Variants in ANO3 observed in about 807,000 individuals in gnomAD.
The protein encoded by ANO3 is anoctamin 3.
In ANO3, 99 loss-of-function variants were observed where a neutral mutation model predicts 144.8. The observed-to-expected ratio is 0.68, with a 90% confidence interval of 0.58 to 0.81. The LOEUF is 0.81. Among genes scored for constraint, ANO3 ranks in the 30% least tolerant of loss-of-function variants. ANO3 has a pLI of 0.00. For synonymous variants in ANO3, 414 were observed against 392.6 expected (o/e 1.05, Z -0.64); for missense variants, 905 against 1,202.2 (o/e 0.75, Z 3.66).
chr11:26,255,986 T>G (rs1004942024), intron 1 of ANO3, among the ~76,000 whole-genome samples: 9 of 152,122 alleles, frequency 5.9e-5, no homozygotes, highest in African/African-American at 2.2e-4. Context: ...TTCATTTTAT[T>G]GGATGGTAAA....
intron 1 of ANO3, among the ~76,000 whole-genome samples, chr11:26,293,949 T>A (rs1854026151): frequency 6.6e-6 from 1 of 152,104 alleles, no homozygotes; most frequent in East Asian, 1.9e-4. Flanking sequence ...TTTACCTAAA[T>A]AGTTTTGTCG....
chr11:26,355,551 T>A (rs1205664845), intron 1 of ANO3, among the ~76,000 whole-genome samples: 1 of 150,756 alleles, frequency 6.6e-6, no homozygotes, highest in African/African-American at 2.5e-5. Flanking sequence ...CTGAAATTTC[T>A]TTCTTTCTTT....
At chr11:26,598,502 A>G in intron 15 of ANO3, 55 bp downstream of exon 15, 1 of 1,233,410 alleles carries the variant, frequency 8.1e-7, no homozygotes, top group South Asian at 1.4e-5. Flanking sequence ...AGGATATGGA[A>G]AATTACTGCC....
intron 1 of ANO3, among the ~76,000 whole-genome samples, chr11:26,248,903 C>T (rs534522167): frequency 7.9e-5 from 12 of 152,188 alleles, no homozygotes; most frequent in African/African-American, 2.7e-4. Flanking sequence ...AATAGGAATT[C>T]GAACCCTATT....
At chr11:26,448,397 GA>G (rs545793686) in intron 3 of ANO3, among the ~76,000 whole-genome samples, 76 of 151,962 alleles carry the variant, frequency 5.0e-4, no homozygotes, top group African/African-American at 1.6e-3. Flanking sequence ...ATCTTGTTAT[GA>G]AATCAACATT....
intron 1 of ANO3, among the ~76,000 whole-genome samples, chr11:26,274,047 GA>G (rs57981164): frequency 6.6e-6 from 1 of 150,602 alleles, no homozygotes; most frequent in African/African-American, 2.5e-5. Context: ...ACAAAGGGAA[GA>G]AAAAAATAGA....
chr11:26,413,816 T>C (rs1046289695), intron 1 of ANO3, among the ~76,000 whole-genome samples: 2 of 152,104 alleles, frequency 1.3e-5, no homozygotes, highest in African/African-American at 4.8e-5. Context: ...TGTGAGAATA[T>C]GTTATCTGAA....
rs545146669 is a variant in ANO3, at chr11:26,382,821, T to C, written c.46+50500T>C. 2.0e-5 allele frequency among the ~76,000 whole-genome samples: 3 copies of C among 152,294 alleles called. No individual in the cohort carries two copies. The East Asian group carries it at 5.8e-4, about 29-fold the overall frequency. ...AGTGCCTTCTGTAGTTGTGAAAACA[T>C]TGGCATTAATTGGAGAGATGTCAAA... On this transcript the variant is annotated intron_variant, in intron 1 of 26. Transcript: ENST00000256737.
chr11:26,294,884 T>C (rs961574925), intron 1 of ANO3, among the ~76,000 whole-genome samples: 26 of 152,146 alleles, frequency 1.7e-4, no homozygotes, highest in Admixed American at 5.2e-4. Context: ...TTTTTCTTCT[T>C]TTTTTAAATG....
intron 17 of ANO3, among the ~76,000 whole-genome samples, chr11:26,616,052 C>T (rs1292237097): frequency 6.6e-6 from 1 of 152,132 alleles, no homozygotes; most frequent in Admixed American, 6.5e-5. Context: ...AATCATACCA[C>T]TGTGATAATT....
At chr11:26,452,548 C>T (rs376123169) in intron 3 of ANO3, among the ~76,000 whole-genome samples, 57 of 152,148 alleles carry the variant, frequency 3.7e-4, no homozygotes, top group East Asian at 3.7e-3. Flanking sequence ...TAAAAAGAAA[C>T]GAACAAAGCC....
intron 1 of ANO3, among the ~76,000 whole-genome samples, chr11:26,205,641 G>A (rs970560887): frequency 3.9e-5 from 6 of 152,144 alleles, no homozygotes; most frequent in African/African-American, 7.2e-5. Flanking sequence ...AAAACCTGGG[G>A]AACTTATGGC....
intron 4 of ANO3, among the ~76,000 whole-genome samples, chr11:26,486,523 C>T (rs113357395): frequency 7.9e-5 from 12 of 152,154 alleles, no homozygotes; most frequent in Non-Finnish European, 1.8e-4. Flanking sequence ...TGCTCTTTGG[C>T]GTGATCAAAA....
chr11:26,546,390 G>A (rs895281817), intron 11 of ANO3, among the ~76,000 whole-genome samples: 1 of 151,932 alleles, frequency 6.6e-6, no homozygotes, highest in Non-Finnish European at 1.5e-5. Flanking sequence ...AGAGAATGAA[G>A]CAGAAAGAGA....
At chr11:26,486,235 C>T (rs1014673612) in intron 4 of ANO3, among the ~76,000 whole-genome samples, 1 of 151,562 alleles carries the variant, frequency 6.6e-6, no homozygotes. Context: ...ATGGCGTGCA[C>T]CTGTAGTTTC....
chr11:26,194,489 T>TGTG (rs772353732), intron 1 of ANO3, among the ~76,000 whole-genome samples: 3 of 146,818 alleles, frequency 2.0e-5, no homozygotes, highest in African/African-American at 2.5e-5. Context: ...TGTGTGTGTA[T>TGTG]TATTTATTTA....
intron 23 of ANO3, 70 bp downstream of exon 23, chr11:26,643,404 C>T (rs1853235944): frequency 1.3e-6 from 2 of 1,560,284 alleles, no homozygotes; most frequent in African/African-American, 1.4e-5. Context: ...GAGTGTGCCC[C>T]CAGATTCATA....
At chr11:26,587,937 CAAAA>C (rs60752903) in intron 14 of ANO3, among the ~76,000 whole-genome samples, 3,665 of 116,350 alleles carry the variant, frequency 0.031, 82 homozygotes, top group African/African-American at 0.082. Flanking sequence ...AACTCTGTCT[CAAAA>C]AAAAAAAAAA....
chr11:26,558,976 C>A (rs1468103912), intron 13 of ANO3: 1 of 152,060 alleles, frequency 6.6e-6, no homozygotes, highest in Non-Finnish European at 1.5e-5. Flanking sequence ...AGTTTAATTT[C>A]TCTCACTAAG....
Sources: allele counts gnomAD v4.1 joint callset (sites outside exome capture counted in the v4.1 genomes callset), GRCh38; gene constraint gnomAD v4.1.1; transcripts MANE v1.5; gene names NCBI Gene and HGNC (gene_info 2026-07-23, HGNC 2026-07-21).